The following RP1 variants were observed in gnomAD, a reference collection of about 807,000 sequenced individuals.
The protein encoded by RP1 is oxygen-regulated protein 1.
A neutral mutation model predicts 14.8 loss-of-function variants in RP1; 16 were observed. The observed-to-expected ratio is 1.08, with a 90% confidence interval of 0.73 to 1.65. The LOEUF (loss-of-function observed/expected upper bound fraction) is 1.65. Among genes scored for constraint, RP1 ranks in the 40% most tolerant of loss-of-function variants. The probability of loss-of-function intolerance (pLI) is 0.00; values close to 1 mark genes in which losing one functional copy is unlikely to be tolerated. For missense variants in RP1, 2,631 were observed against 2,535.0 expected (o/e 1.04, Z -0.81); for synonymous variants, 876 against 883.6 (o/e 0.99, Z 0.15).
intron 1 of RP1, among the ~76,000 whole-genome samples, chr8:54,609,745 C>G (rs1362933798): frequency 6.6e-6 from 1 of 152,126 alleles, no homozygotes; most frequent in Non-Finnish European, 1.5e-5. Context: ...GGGAAGGTCA[C>G]CTCTACCAGC....
chr8:54,647,862 T>C (rs1806579333), intron 3 of RP1, among the ~76,000 whole-genome samples: 1 of 152,102 alleles, frequency 6.6e-6, no homozygotes, highest in Non-Finnish European at 1.5e-5. Flanking sequence ...GGCTTTCATT[T>C]TTCTTATAGA....
At chr8:54,581,089 T>C (rs1040423983) in intron 1 of RP1, among the ~76,000 whole-genome samples, 10 of 152,198 alleles carry the variant, frequency 6.6e-5, no homozygotes, top group South Asian at 2.1e-4. Flanking sequence ...TATGCCATGT[T>C]GGTGTGCTGC....
intron 19 of RP1, among the ~76,000 whole-genome samples, chr8:54,739,244 A>G (rs1158462081): frequency 6.6e-6 from 1 of 152,158 alleles, no homozygotes; most frequent in Admixed American, 6.5e-5. Flanking sequence ...TCTACTTACT[A>G]TGGTTTGACT....
chr8:54,869,648 G>C (rs1011079256), intron 28 of RP1, among the ~76,000 whole-genome samples: 20 of 152,196 alleles, frequency 1.3e-4, no homozygotes, highest in African/African-American at 4.6e-4. Flanking sequence ...TGCAATTTGA[G>C]TGTAGGAAAA....
intron 23 of RP1, among the ~76,000 whole-genome samples, chr8:54,777,594 G>A (rs1234146705): frequency 6.6e-6 from 1 of 151,840 alleles, no homozygotes; most frequent in East Asian, 1.9e-4. Flanking sequence ...ATGTATAATA[G>A]GATTAATGAT....
In RP1 at chr8:54,630,255, C is replaced by T. The variant is rs2129318689; in HGVS notation, c.6373C>T (p.Leu2125Phe). 6.2e-7 allele frequency: 1 copy of T among 1,613,576 alleles called. No individual in the cohort carries two copies. Among genetic ancestry groups the T allele is most frequent in the Non-Finnish European group, 8.5e-7 (1 of 1,179,850 alleles). ...TATTAGCAACAGAAATATTTTAGAA[C>T]TTTGTATGTTTGAGGGTGAAAATCT... is the stretch of plus-strand genomic sequence containing the variant. ...LNISNRNILE[L>F]CMFEGENLFI... is the part of the protein sequence containing the mutation. The change falls in exon 4 of 4, where the codon CTT (leucine) becomes TTT (phenylalanine). Residue 2125 changes from leucine to phenylalanine, a missense_variant. Coordinates refer to ENST00000220676, the MANE Select transcript of RP1 (RefSeq NM_006269.2).
chr8:54,572,453 C>A (rs1261472428), intron 1 of RP1, among the ~76,000 whole-genome samples: 1 of 152,130 alleles, frequency 6.6e-6, no homozygotes, highest in Admixed American at 6.5e-5. Flanking sequence ...GTGGCCTAGG[C>A]AAGTCATTTG....
At chr8:54,653,420 A>G (rs768675889) in intron 5 of RP1, among the ~76,000 whole-genome samples, 28 of 152,192 alleles carry the variant, frequency 1.8e-4, no homozygotes, top group Non-Finnish European at 3.7e-4. Flanking sequence ...ATCCAATTTT[A>G]TATATGGTGT....
In RP1 at chr8:54,590,732, G is replaced by A. The variant is rs577748256; in HGVS notation, c.-12-30223G>A. ...GTGGTTTAAAGTGCCATCTGCAAGC[G>A]TATTACTCTCAAATTTACATACAGC... On this transcript the variant is annotated intron_variant, in intron 1 of 22. Coordinates refer to the RP1 transcript ENST00000636932. Among the ~76,000 whole-genome samples the A allele has an allele frequency of 3.3e-5, 5 of 152,250 alleles. No homozygotes were observed. The South Asian group carries it at 6.2e-4, about 19-fold the overall frequency.
chr8:54,724,376 T>G (rs1326434516), intron 16 of RP1, among the ~76,000 whole-genome samples: 1 of 152,200 alleles, frequency 6.6e-6, no homozygotes, highest in East Asian at 1.9e-4. Flanking sequence ...TTTTGTAGAT[T>G]TACTGCCTTT....
intron 24 of RP1, among the ~76,000 whole-genome samples, chr8:54,812,383 C>T (rs1315198592): frequency 6.6e-6 from 1 of 152,170 alleles, no homozygotes; most frequent in Non-Finnish European, 1.5e-5. Context: ...TCAAATTCTC[C>T]ACCCACCTCA....
At chr8:54,633,733 C>CTATA (rs1461408412), downstream of RP1, among the ~76,000 whole-genome samples, 228 of 130,114 alleles carry the variant, frequency 1.8e-3, no homozygotes, top group South Asian at 7.7e-3. Flanking sequence ...CTCTCTCTCT[C>CTATA]TCTCTATATA....
chr8:54,704,864 CTTT>C (rs915705687), intron 14 of RP1, among the ~76,000 whole-genome samples: 3 of 152,008 alleles, frequency 2.0e-5, no homozygotes, highest in African/African-American at 7.3e-5. Context: ...ACACATATGT[CTTT>C]TTTGTTGTTG....
At chr8:54,581,475 T>C (rs1421705489) in intron 1 of RP1, among the ~76,000 whole-genome samples, 10 of 152,218 alleles carry the variant, frequency 6.6e-5, no homozygotes, top group Non-Finnish European at 1.5e-4. Flanking sequence ...TACGTGTGCA[T>C]GTGTCTTTAT....
chr8:54,780,110 G>A (rs551472412), intron 23 of RP1, among the ~76,000 whole-genome samples: 1 of 152,318 alleles, frequency 6.6e-6, no homozygotes, highest in African/African-American at 2.4e-5. Flanking sequence ...CCTGGGTTAG[G>A]CTTTTCAGGC....
In RP1 at chr8:54,630,811, T is replaced by C; in HGVS notation, c.*458T>C. 1.0e-6 allele frequency: 1 copy of C among 999,484 alleles called. No homozygotes were observed. 61.9% of individuals were successfully genotyped at this position (999,484 alleles called of 1,614,324 possible). A position where few individuals can be genotyped will look rare whatever the true frequency, so the allele number is the denominator to read the frequency against. On this transcript the variant is annotated 3_prime_UTR_variant, in exon 4 of 4. Transcript: ENST00000220676. Reference sequence around the variant, plus strand: ...TGATAAAAAGTATGATTATAAGATATCCACGACAATCTCATAGTTTCTTGT... The same window carrying C: ...TGATAAAAAGTATGATTATAAGATACCCACGACAATCTCATAGTTTCTTGT...
At chr8:54,812,991 C>A (rs1394993660) in intron 24 of RP1, among the ~76,000 whole-genome samples, 1 of 152,192 alleles carries the variant, frequency 6.6e-6, no homozygotes, top group Non-Finnish European at 1.5e-5. Context: ...ATTAACACTT[C>A]TGTGCCACAA....
At chr8:54,723,018 G>A (rs1414572953) in intron 16 of RP1, among the ~76,000 whole-genome samples, 1 of 152,172 alleles carries the variant, frequency 6.6e-6, no homozygotes, top group African/African-American at 2.4e-5. Context: ...AGAGGGACAA[G>A]GGTGGGATTT....
At chr8:54,775,514 T>C (rs1810013382) in intron 23 of RP1, among the ~76,000 whole-genome samples, 1 of 152,154 alleles carries the variant, frequency 6.6e-6, no homozygotes, top group South Asian at 2.1e-4. Flanking sequence ...AGGCCATTGC[T>C]CTGACCCCTG....
Sources: gnomAD v4.1 joint callset for allele counts (sites outside exome capture counted in the v4.1 genomes callset) on GRCh38, gnomAD v4.1.1 for gene constraint, MANE v1.5 for transcripts, NCBI Gene and HGNC (gene_info 2026-07-23, HGNC 2026-07-21) for gene names.